Variants in SLC1A3 observed in about 807,000 individuals in gnomAD.
The protein encoded by SLC1A3 is excitatory amino acid transporter 1.
A neutral mutation model predicts 48.1 loss-of-function variants in SLC1A3; 21 were observed. The ratio of observed to expected loss-of-function variants is 0.44; its 90% CI spans 0.31 to 0.63. SLC1A3 has a LOEUF of 0.63. SLC1A3 is among the 20% of genes least tolerant of loss of function. The pLI, the probability that SLC1A3 is intolerant of heterozygous loss-of-function variation, is 0.08. For synonymous variants in SLC1A3, 239 were observed against 251.4 expected (o/e 0.95, Z 0.47); for missense variants, 546 against 689.0 (o/e 0.79, Z 2.32).
chr5:36,650,361 T>C (rs920845619), intron 3 of SLC1A3, among the ~76,000 whole-genome samples: 5 of 152,232 alleles, frequency 3.3e-5, no homozygotes, highest in African/African-American at 1.2e-4. Context: ...TAATAATCCT[T>C]TAATAATGCC....
At position 36,680,675 on chromosome 5, in the gene SLC1A3, T is replaced by G. The variant is rs536452217; in HGVS notation, c.1289+86T>G. On this transcript the variant is annotated intron_variant, in intron 8 of 9. Transcript: ENST00000265113. The stretch of plus-strand genomic sequence containing the variant: ...GCTCACGCCTGTAATCCTAACACTT[T>G]GGGAGGCCAAGGCGGGTGGATCTCC... 1,375 of 1,174,172 alleles carry G rather than the reference T, an allele frequency of 1.2e-3. 1 individual carries two copies. The highest frequency in any genetic ancestry group is 1.5e-3 in the Non-Finnish European group (1,210 of 785,958). The allele number at this position is 1,174,172 out of a possible 1,614,324, so 72.7% of individuals were successfully genotyped here.
At chr5:36,663,380 A>AATTTTTTTTTTT (rs1741595470) in intron 3 of SLC1A3, among the ~76,000 whole-genome samples, 1 of 69,338 alleles carries the variant, frequency 1.4e-5, no homozygotes, top group Non-Finnish European at 2.6e-5. Flanking sequence ...CACGCCCGGC[A>AATTTTTTTTTTT]TTTTTTTTTT....
At chr5:36,670,789 T>A in intron 3 of SLC1A3, 1 of 570,246 alleles carries the variant, frequency 1.8e-6, no homozygotes, top group Non-Finnish European at 3.2e-6. Context: ...TGAAATCAAC[T>A]CTTGGGGCAG....
chr5:36,633,588 T>G (rs1389780528), intron 3 of SLC1A3, among the ~76,000 whole-genome samples: 1 of 152,224 alleles, frequency 6.6e-6, no homozygotes, highest in Non-Finnish European at 1.5e-5. Context: ...TGTTGGGTGC[T>G]GAGGAGAGAG....
At chr5:36,669,120 G>T (rs1003440369) in intron 3 of SLC1A3, 1 of 152,176 alleles carries the variant, frequency 6.6e-6, no homozygotes, top group Non-Finnish European at 1.5e-5. Context: ...TACACTACTC[G>T]CCGGTTCCAC....
rs1389813027 is a variant in SLC1A3, at chr5:36,597,343, T to C, written c.-96+665T>C. Among the ~76,000 whole-genome samples, 6 of 136,890 alleles carry C rather than the reference T, an allele frequency of 4.4e-5. No homozygotes were observed. The East Asian group carries it at 1.2e-3, about 28-fold the overall frequency. 89.8% of individuals were successfully genotyped at this position (136,890 alleles called of 152,430 possible). ...CTCACTGCAAGCTCCGCCTCCCGGG[T>C]TCACGCCATTCTCCTGCCTCAGCCT... is the stretch of plus-strand genomic sequence containing the variant. On this transcript the variant is annotated intron_variant, in intron 1 of 9. Transcript: ENST00000680318.
intron 3 of SLC1A3, among the ~76,000 whole-genome samples, chr5:36,640,500 T>C (rs1261933322): frequency 6.6e-6 from 1 of 152,232 alleles, no homozygotes; most frequent in Non-Finnish European, 1.5e-5. Context: ...AAACAATTGT[T>C]TGAGTTTCCA....
At chr5:36,665,760 T>G (rs931907571) in intron 3 of SLC1A3, among the ~76,000 whole-genome samples, 1 of 152,188 alleles carries the variant, frequency 6.6e-6, no homozygotes, top group Non-Finnish European at 1.5e-5. Flanking sequence ...GAGCCAAAAG[T>G]AGAATCCAGG....
In SLC1A3 at chr5:36,686,850, A is replaced by T. The variant is rs1192222223; in HGVS notation, c.*581A>T. The T allele has an allele frequency of 2.4e-5, 4 of 169,460 alleles. No homozygotes were observed. Among genetic ancestry groups the T allele is most frequent in the Admixed American group, 2.3e-4 (4 of 17,320 alleles). The allele number at this position is 169,460 out of a possible 1,614,324, so 10.5% of individuals were successfully genotyped here. A position where few individuals can be genotyped will look rare whatever the true frequency, so the allele number is the denominator to read the frequency against. On this transcript the variant is annotated 3_prime_UTR_variant, in exon 10 of 10. Coordinates refer to ENST00000265113, the MANE Select transcript of SLC1A3 (RefSeq NM_004172.5). ...TTCCATGTGGCCTTGAGCAAGTCCC[A>T]TCTCACCTCTAGGCCTCAGTGTCCT...
intron 3 of SLC1A3, among the ~76,000 whole-genome samples, chr5:36,650,604 A>G (rs1622132): frequency 0.055 from 8,426 of 152,266 alleles, 225 homozygotes; most frequent in Middle Eastern, 0.11. Context: ...TTAGTCTTCC[A>G]CAATCTGGAT....
intron 2 of SLC1A3, chr5:36,612,717 G>A (rs1217402434): frequency 2.2e-6 from 1 of 446,950 alleles, no homozygotes; most frequent in Non-Finnish European, 4.5e-6. Flanking sequence ...CCCAGAGAGG[G>A]AGGTAATTTT....
chr5:36,636,509 C>CTT (rs1255531330), intron 3 of SLC1A3: 8 of 120,070 alleles, frequency 6.7e-5, no homozygotes, highest in South Asian at 2.8e-4. Flanking sequence ...CTTTCTTTTT[C>CTT]TTTCTTTCTT....
At chr5:36,673,123 A>G (rs1308884546) in intron 4 of SLC1A3, among the ~76,000 whole-genome samples, 1 of 152,154 alleles carries the variant, frequency 6.6e-6, no homozygotes, top group African/African-American at 2.4e-5. Context: ...TGATAGCAAC[A>G]ACCTCATAGA....
intron 5 of SLC1A3, among the ~76,000 whole-genome samples, chr5:36,674,488 A>T (rs1742127137): frequency 7.6e-6 from 1 of 131,598 alleles, no homozygotes; most frequent in East Asian, 2.2e-4. Context: ...GGTTTGATTT[A>T]AATATCAATG....
intron 2 of SLC1A3, among the ~76,000 whole-genome samples, chr5:36,625,064 A>G (rs1561247571): frequency 6.6e-6 from 1 of 152,256 alleles, no homozygotes; most frequent in Non-Finnish European, 1.5e-5. Flanking sequence ...TAACGGAAAG[A>G]GCACTGGGCT....
chr5:36,610,593 G>A (rs1739153036), intron 2 of SLC1A3, among the ~76,000 whole-genome samples: 1 of 152,188 alleles, frequency 6.6e-6, no homozygotes. Flanking sequence ...AAGACAGATT[G>A]ATGGAGAAGG....
intron 5 of SLC1A3, among the ~76,000 whole-genome samples, chr5:36,676,256 C>T (rs1742200883): frequency 6.6e-6 from 1 of 152,176 alleles, no homozygotes; most frequent in South Asian, 2.1e-4. Context: ...AATCTCTAAA[C>T]AGGTCTAATC....
intron 3 of SLC1A3, among the ~76,000 whole-genome samples, chr5:36,660,467 G>A (rs1741459777): frequency 6.6e-6 from 1 of 152,210 alleles, no homozygotes; most frequent in Non-Finnish European, 1.5e-5. Flanking sequence ...TCCTAGAGAA[G>A]GAAGAAAGCT....
At chr5:36,646,988 T>C (rs1740865806) in intron 3 of SLC1A3, among the ~76,000 whole-genome samples, 1 of 152,190 alleles carries the variant, frequency 6.6e-6, no homozygotes, top group South Asian at 2.1e-4. Flanking sequence ...TAACTGTGCT[T>C]CTGGGGTATA....
Sources: gnomAD v4.1 joint callset for allele counts (sites outside exome capture counted in the v4.1 genomes callset) on GRCh38, gnomAD v4.1.1 for gene constraint, MANE v1.5 for transcripts, NCBI Gene and HGNC (gene_info 2026-07-23, HGNC 2026-07-21) for gene names.